The following AGK variants were observed in gnomAD, a reference collection of about 807,000 sequenced individuals.
AGK encodes acylglycerol kinase, also known as acylglycerol kinase, mitochondrial.
Under a neutral mutation model 66.4 loss-of-function variants are expected in AGK, and 52 were observed. That is an observed-to-expected ratio of 0.78 (90% CI 0.63 to 0.99). AGK has a LOEUF of 0.99. Ranked by LOEUF, AGK falls within the 50% of genes least tolerant of loss-of-function variation. The pLI, the probability that AGK is intolerant of heterozygous loss-of-function variation, is 0.00. For synonymous variants in AGK, 182 were observed against 181.1 expected, an observed-to-expected ratio of 1.00 and a Z score of -0.04; for missense variants, 451 against 506.6, an observed-to-expected ratio of 0.89 and a Z score of 1.05.
chr7:141,634,098 G>T, intron 10 of AGK, 118 bp downstream of exon 10: 3 of 837,366 alleles, frequency 3.6e-6, no homozygotes, highest in Non-Finnish European at 6.0e-6. Flanking sequence ...CCTGGAGGTT[G>T]AATTATGTGT....
At chr7:141,565,746 T>C (rs371006456) in intron 2 of AGK, among the ~76,000 whole-genome samples, 1 of 152,192 alleles carries the variant, frequency 6.6e-6, no homozygotes, top group South Asian at 2.1e-4. Flanking sequence ...CCTCTACATC[T>C]CTTAATGTAT....
chr7:141,596,273 A>G (rs956438433), intron 3 of AGK, among the ~76,000 whole-genome samples: 2 of 152,232 alleles, frequency 1.3e-5, no homozygotes, highest in South Asian at 4.1e-4. Context: ...ATTATATGTT[A>G]TAATAAACCT....
At chr7:141,587,029 C>A (rs1796008131) in intron 2 of AGK, among the ~76,000 whole-genome samples, 1 of 152,210 alleles carries the variant, frequency 6.6e-6, no homozygotes, top group Admixed American at 6.5e-5. Flanking sequence ...CCCGGGTTCT[C>A]ACCCCACCTC....
chr7:141,633,265 A>C (rs375008717), intron 9 of AGK, among the ~76,000 whole-genome samples: 1 of 152,292 alleles, frequency 6.6e-6, no homozygotes, highest in East Asian at 1.9e-4. Context: ...TTTTTAAGGA[A>C]GGTTCAGGGT....
intron 11 of AGK, among the ~76,000 whole-genome samples, chr7:141,637,330 G>A (rs184259362): frequency 3.5e-4 from 54 of 152,130 alleles, no homozygotes; most frequent in Admixed American, 1.2e-3. Flanking sequence ...ATTCTTCAGC[G>A]ATTATTTTAT....
intron 2 of AGK, among the ~76,000 whole-genome samples, chr7:141,574,291 T>A (rs931687563): frequency 2.0e-5 from 3 of 152,162 alleles, no homozygotes; most frequent in Non-Finnish European, 4.4e-5. Context: ...TGCCCATTAG[T>A]GGTACCCAGA....
intron 11 of AGK, 61 bp downstream of exon 11, chr7:141,637,078 T>C: frequency 7.2e-7 from 1 of 1,384,118 alleles, no homozygotes; most frequent in South Asian, 1.2e-5. Flanking sequence ...CTGTAATGCA[T>C]ATATTTGGTA....
intron 6 of AGK, 45 bp from the exon 7 acceptor site, chr7:141,614,101 G>GAAA: frequency 7.5e-7 from 1 of 1,336,270 alleles, no homozygotes; most frequent in Non-Finnish European, 1.1e-6. Flanking sequence ...TATTGTAAAG[G>GAAA]AAATACATAT....
chr7:141,641,325 C>A lies in AGK; in HGVS notation c.804C>A (p.Thr268=). Residue 268 remains threonine, a synonymous_variant, in exon 12 of 16, where the codon ACC becomes ACA. Coordinates refer to ENST00000649286, the MANE Select transcript of AGK (RefSeq NM_018238.4). ...GACCTCCCAATGAACCAGAGGAGACCCCTGTACAAAGGCCTTCTTTGTACA... is the reference window on the plus strand; with the variant it reads ...GACCTCCCAATGAACCAGAGGAGACACCTGTACAAAGGCCTTCTTTGTACA... ...TERPPNEPEE[T]PVQRPSLYRR... 6.2e-7 allele frequency: 1 copy of A among 1,613,858 alleles called. No homozygotes were observed. Among genetic ancestry groups the A allele is most frequent in the Non-Finnish European group, 8.5e-7 (1 of 1,179,874 alleles).
intron 2 of AGK, among the ~76,000 whole-genome samples, chr7:141,586,755 G>A (rs1243076660): frequency 2.6e-5 from 4 of 152,162 alleles, no homozygotes; most frequent in Admixed American, 2.0e-4. Flanking sequence ...CATCAAGGGG[G>A]AATGGTGGAA....
intron 10 of AGK, among the ~76,000 whole-genome samples, chr7:141,635,585 T>A (rs1797153128): frequency 6.6e-6 from 1 of 152,208 alleles, no homozygotes; most frequent in African/African-American, 2.4e-5. Context: ...AAGCTCTTTG[T>A]CTGTTATTCC....
At chr7:141,593,112 G>A (rs1796157765) in intron 2 of AGK, 34 bp from the exon 3 acceptor site, 2 of 1,592,996 alleles carry the variant, frequency 1.3e-6, no homozygotes, top group Admixed American at 1.7e-5. Flanking sequence ...ATCTATTAAA[G>A]CTAATGATTA....
At chr7:141,557,124 T>C (rs1156245651) in intron 2 of AGK, among the ~76,000 whole-genome samples, 1 of 152,206 alleles carries the variant, frequency 6.6e-6, no homozygotes, top group Non-Finnish European at 1.5e-5. Context: ...ATTAGAAGTC[T>C]CCACATTGGA....
At chr7:141,622,846 G>T (rs1796854930) in intron 9 of AGK, among the ~76,000 whole-genome samples, 1 of 151,894 alleles carries the variant, frequency 6.6e-6, no homozygotes, top group Admixed American at 6.6e-5. Context: ...ACTTGAGCAG[G>T]AGTTCAAGAC....
At chr7:141,616,944 A>G (rs1428316174) in intron 8 of AGK, among the ~76,000 whole-genome samples, 1 of 151,972 alleles carries the variant, frequency 6.6e-6, no homozygotes, top group East Asian at 1.9e-4. Flanking sequence ...TTTTTAGTAC[A>G]GATGGGGTTT....
At chr7:141,607,752 C>A (rs1349035621) in intron 5 of AGK, among the ~76,000 whole-genome samples, 1 of 151,838 alleles carries the variant, frequency 6.6e-6, no homozygotes, top group Non-Finnish European at 1.5e-5. Flanking sequence ...TGTTATTTTA[C>A]CTTTAGGCCT....
intron 7 of AGK, among the ~76,000 whole-genome samples, chr7:141,614,440 CA>C (rs1428485949): frequency 6.6e-6 from 1 of 151,254 alleles, no homozygotes; most frequent in Non-Finnish European, 1.5e-5. Flanking sequence ...ATCTTTTTTT[CA>C]AAGAACTTTT....
intron 5 of AGK, among the ~76,000 whole-genome samples, chr7:141,607,678 A>G (rs538075480): frequency 3.4e-4 from 51 of 151,974 alleles, no homozygotes; most frequent in Non-Finnish European, 1.5e-5. Flanking sequence ...TTTCATGGAT[A>G]TTGCTTTTGG....
intron 2 of AGK, among the ~76,000 whole-genome samples, chr7:141,583,424 G>A (rs964593223): frequency 1.4e-5 from 2 of 143,240 alleles, no homozygotes; most frequent in African/African-American, 2.6e-5. Context: ...GAGAAGGGGT[G>A]GGGGGGTGCT....
Sources: allele counts gnomAD v4.1 joint callset (sites outside exome capture counted in the v4.1 genomes callset), GRCh38; gene constraint gnomAD v4.1.1; transcripts MANE v1.5; gene names NCBI Gene and HGNC (gene_info 2026-07-23, HGNC 2026-07-21).